The following SPAG16 variants were observed in gnomAD, a reference collection of about 807,000 sequenced individuals.
The protein encoded by SPAG16 is sperm-associated antigen 16 protein.
Under a neutral mutation model 80.4 loss-of-function variants are expected in SPAG16, and 86 were observed. The observed-to-expected ratio is 1.07, with a 90% CI of 0.90 to 1.28. The LOEUF (loss-of-function observed/expected upper bound fraction) is 1.28, where lower values mean the gene tolerates loss of function less well. SPAG16 is among the 50% of genes most tolerant of loss of function. The pLI is 0.00. For missense variants in SPAG16, 870 were observed against 765.3 expected (o/e 1.14, Z -1.61); for synonymous variants, 294 against 265.9 (o/e 1.11, Z -1.03).
chr2:213,325,590 G>C (rs777013854), intron 5 of SPAG16, among the ~76,000 whole-genome samples: 2 of 150,458 alleles, frequency 1.3e-5, no homozygotes, highest in Non-Finnish European at 3.0e-5. Flanking sequence ...TGGGGATTAA[G>C]TTGAAAATAT....
intron 10 of SPAG16, among the ~76,000 whole-genome samples, chr2:213,642,855 A>ACTGGT (rs1298181356): frequency 2.8e-5 from 4 of 141,310 alleles, no homozygotes; most frequent in Non-Finnish European, 1.5e-5. Flanking sequence ...AAAAAGAGAG[A>ACTGGT]CTGGTCTAAC....
In SPAG16 at chr2:213,789,679, A is replaced by T. The variant is rs773784689; in HGVS notation, c.1071-72806A>T. Reference sequence around the variant, plus strand: ...TAATGGTTATTTTTGTTGCAAAGGAACCCTCCCTGGTTTTCTTGTATCTCC... The same window carrying T: ...TAATGGTTATTTTTGTTGCAAAGGATCCCTCCCTGGTTTTCTTGTATCTCC... On this transcript the variant is annotated intron_variant, in intron 10 of 15. Transcript: ENST00000331683. Among the ~76,000 whole-genome samples the T allele has an allele frequency of 3.3e-5, 5 of 151,504 alleles. No homozygotes were observed. The East Asian group carries it at 9.6e-4, about 29-fold the overall frequency.
At chr2:214,298,963 T>C (rs1301807262) in intron 15 of SPAG16, among the ~76,000 whole-genome samples, 2 of 152,160 alleles carry the variant, frequency 1.3e-5, no homozygotes, top group African/African-American at 4.8e-5. Flanking sequence ...TTTTTGTCTA[T>C]TATTTTAGTG....
At chr2:213,724,707 A>G (rs2066676625) in intron 10 of SPAG16, among the ~76,000 whole-genome samples, 1 of 142,920 alleles carries the variant, frequency 7.0e-6, no homozygotes, top group Admixed American at 7.3e-5. Flanking sequence ...GAACTCGGCA[A>G]TGGAGGTTGC....
At chr2:213,343,118 A>G (rs1263623724) in intron 6 of SPAG16, among the ~76,000 whole-genome samples, 4 of 152,168 alleles carry the variant, frequency 2.6e-5, no homozygotes, top group Admixed American at 1.3e-4. Flanking sequence ...ATGAGAGAAC[A>G]TGAAGCCTGG....
intron 10 of SPAG16, among the ~76,000 whole-genome samples, chr2:213,692,532 G>A (rs1231349010): frequency 6.6e-6 from 1 of 152,194 alleles, no homozygotes; most frequent in East Asian, 1.9e-4. Context: ...TTTGTCTGCC[G>A]GGCATGGTGG....
intron 15 of SPAG16, among the ~76,000 whole-genome samples, chr2:214,206,416 T>C (rs2058146439): frequency 6.6e-6 from 1 of 152,186 alleles, no homozygotes; most frequent in Admixed American, 6.5e-5. Context: ...CTTAAGATAA[T>C]GTCCTCCAGG....
At chr2:213,630,383 CAAA>C (rs926318146) in intron 10 of SPAG16, among the ~76,000 whole-genome samples, 2 of 109,788 alleles carry the variant, frequency 1.8e-5, no homozygotes, top group African/African-American at 3.4e-5. Context: ...GACTCCATCT[CAAA>C]AAAAAAAAAA....
chr2:214,130,069 T>C (rs1014450), intron 14 of SPAG16, among the ~76,000 whole-genome samples: 46,157 of 151,940 alleles, frequency 0.3, 7,260 homozygotes, highest in Middle Eastern at 0.38. Context: ...CTGGCTTCAA[T>C]AGAGAAAATT....
chr2:214,366,742 G>A (rs180745659), intron 15 of SPAG16, among the ~76,000 whole-genome samples: 2 of 152,136 alleles, frequency 1.3e-5, no homozygotes, highest in Admixed American at 6.5e-5. Context: ...GCAGGGAAAG[G>A]TAAATACACA....
At chr2:213,422,371 G>T in intron 9 of SPAG16, 1 of 675,272 alleles carries the variant, frequency 1.5e-6, no homozygotes, top group South Asian at 1.6e-5. Context: ...GCCTGGAGCT[G>T]CCTGCCCCAC....
Position 213,801,608 on chromosome 2 carries a change from G to C in SPAG16, c.1071-60877G>C, listed in dbSNP as rs146268728. ...TGTGCTAAGGTTGATTTCAAAAAGA[G>C]TACGGTAAAGAAAATAAGCCAAGAT... On this transcript the variant is annotated intron_variant, in intron 10 of 15. Coordinates refer to ENST00000331683, the MANE Select transcript of SPAG16 (RefSeq NM_024532.5). Among the ~76,000 whole-genome samples, 4 of 152,296 alleles carry C rather than the reference G, an allele frequency of 2.6e-5. 1 individual carries two copies. In the East Asian group the frequency reaches 7.7e-4, roughly 29 times the overall value.
intron 9 of SPAG16, among the ~76,000 whole-genome samples, chr2:213,426,961 G>A (rs1346117964): frequency 6.6e-6 from 1 of 151,384 alleles, no homozygotes; most frequent in African/African-American, 2.4e-5. Flanking sequence ...TTATGTGAAT[G>A]GAGTTAACTA....
Position 213,401,689 on chromosome 2 carries a change from G to A in SPAG16, c.942+26570G>A, listed in dbSNP as rs558902823. Among the ~76,000 whole-genome samples the A allele has an allele frequency of 2.6e-5, 4 of 152,086 alleles. No homozygotes were observed. In the East Asian group the frequency reaches 5.8e-4, roughly 22 times the overall value. ...GTGGGCAGTCTCTTTCATTTATCTG[G>A]TGATTTTGTCCACTTATATTTATTT... On this transcript the variant is annotated intron_variant, in intron 9 of 15. Transcript: ENST00000331683.
intron 10 of SPAG16, among the ~76,000 whole-genome samples, chr2:213,751,698 G>C (rs956517860): frequency 4.6e-5 from 7 of 152,254 alleles, no homozygotes; most frequent in Non-Finnish European, 8.8e-5. Context: ...CTTATATTCA[G>C]CCAGAGCTCT....
chr2:214,068,564 TA>T (rs1320510855), intron 13 of SPAG16, among the ~76,000 whole-genome samples: 2 of 152,048 alleles, frequency 1.3e-5, no homozygotes, highest in Admixed American at 1.3e-4. Flanking sequence ...AAAGGATAAA[TA>T]AAAATGTAAA....
chr2:214,136,994 C>T (rs1190455004), intron 14 of SPAG16, among the ~76,000 whole-genome samples: 1 of 152,052 alleles, frequency 6.6e-6, no homozygotes, highest in Non-Finnish European at 1.5e-5. Context: ...TCTTACTTGC[C>T]CATTTTGCAT....
At chr2:213,499,331 G>A (rs989466395) in intron 10 of SPAG16, among the ~76,000 whole-genome samples, 2 of 152,128 alleles carry the variant, frequency 1.3e-5, no homozygotes, top group African/African-American at 2.4e-5. Flanking sequence ...GGGGTGCATA[G>A]AACAGATCCT....
chr2:214,338,583 T>C (rs1200329942), intron 15 of SPAG16, among the ~76,000 whole-genome samples: 1 of 152,222 alleles, frequency 6.6e-6, no homozygotes, highest in East Asian at 1.9e-4. Context: ...CTGGTCCTTC[T>C]ATCTTTTGTT....
Sources: allele counts gnomAD v4.1 joint callset (sites outside exome capture counted in the v4.1 genomes callset), GRCh38; gene constraint gnomAD v4.1.1; transcripts MANE v1.5; gene names NCBI Gene and HGNC (gene_info 2026-07-23, HGNC 2026-07-21).